Variants in TPD52L1 observed in about 807,000 individuals in gnomAD.
The protein encoded by TPD52L1 is TPD52 like 1, also known as tumor protein D53.
In TPD52L1, 18 loss-of-function variants were observed where a neutral mutation model predicts 28.7. That is an observed-to-expected ratio of 0.63 (90% confidence interval 0.43 to 0.93). The LOEUF (loss-of-function observed/expected upper bound fraction) is 0.93, where lower values mean the gene tolerates loss of function less well. Ranked by LOEUF, TPD52L1 falls within the 40% of genes least tolerant of loss-of-function variation. The pLI is 0.00. For synonymous variants in TPD52L1, 75 were observed against 88.8 expected (o/e 0.84, Z 0.88); for missense variants, 203 against 254.8 (o/e 0.80, Z 1.39).
intron 1 of TPD52L1, among the ~76,000 whole-genome samples, chr6:125,205,170 C>T (rs1645600851): frequency 6.6e-6 from 1 of 152,180 alleles, no homozygotes; most frequent in Non-Finnish European, 1.5e-5. Flanking sequence ...AGGCTAATCA[C>T]CATTGTGTAA....
chr6:125,172,537 T>TATATAATATATATATATATA (rs1791519506), intron 1 of TPD52L1, among the ~76,000 whole-genome samples: 2 of 88,882 alleles, frequency 2.3e-5, no homozygotes, highest in African/African-American at 1.0e-4. Context: ...TATATATATA[T>TATATAATATATATATATATA]ATATATATAT....
At chr6:125,234,831 AC>A (rs1273235719) in intron 3 of TPD52L1, among the ~76,000 whole-genome samples, 1 of 152,142 alleles carries the variant, frequency 6.6e-6, no homozygotes. Context: ...CATGGCTCAC[AC>A]CTATAATCCT....
At position 125,254,030 on chromosome 6, in the gene TPD52L1, A is replaced by G. The variant is rs1797438037; in HGVS notation, c.425+275A>G. The G allele has an allele frequency of 9.5e-5, 58 of 609,664 alleles. 1 individual carries two copies. Among genetic ancestry groups the G allele is most frequent in the South Asian group, 9.0e-4 (56 of 62,186 alleles). The allele number at this position is 609,664 out of a possible 1,614,324, so 37.8% of individuals were successfully genotyped here. A position where few individuals can be genotyped will look rare whatever the true frequency, so the allele number is the denominator to read the frequency against. ...TATTGCAAGAAATAAGACCTACTTC[A>G]TATGGTGTTTGTGAGGCATAAACAA... On this transcript the variant is annotated intron_variant, in intron 5 of 6. Transcript: ENST00000534000.
At chr6:125,172,524 A>ATATATAT (rs1554202592) in intron 1 of TPD52L1, among the ~76,000 whole-genome samples, 4 of 76,472 alleles carry the variant, frequency 5.2e-5, no homozygotes, top group Admixed American at 3.0e-4. Context: ...ATATATATAT[A>ATATATAT]TATATATATA....
At chr6:125,250,443 A>G (rs572608708) in intron 4 of TPD52L1, among the ~76,000 whole-genome samples, 2 of 152,360 alleles carry the variant, frequency 1.3e-5, no homozygotes, top group South Asian at 2.1e-4. Context: ...AAATGGAGAT[A>G]AGAATAACAA....
chr6:125,157,483 C>G (rs1171423345), intron 1 of TPD52L1, among the ~76,000 whole-genome samples: 1 of 152,098 alleles, frequency 6.6e-6, no homozygotes, highest in African/African-American at 2.4e-5. Context: ...CTGAGGAGGG[C>G]TGGAGAACAA....
intron 4 of TPD52L1, among the ~76,000 whole-genome samples, chr6:125,249,825 C>T (rs544341151): frequency 6.6e-6 from 1 of 151,708 alleles, no homozygotes; most frequent in Admixed American, 6.6e-5. Flanking sequence ...CTGGACTGTC[C>T]ACAATATTCA....
chr6:125,251,625 C>G (rs1357278820), intron 4 of TPD52L1, among the ~76,000 whole-genome samples: 1 of 152,150 alleles, frequency 6.6e-6, no homozygotes, highest in Non-Finnish European at 1.5e-5. Context: ...AAAATATTTC[C>G]TGTGAAGTTA....
In TPD52L1 at chr6:125,264,267, T is replaced by A. The variant is rs1331378570; in HGVS notation, c.*1305T>A. Reference sequence around the variant, plus strand: ...ATGCACACTGAATAGACATCCAACCTAAAAAAAATCACTATTTAAAAAGCC... The same window carrying A: ...ATGCACACTGAATAGACATCCAACCAAAAAAAAATCACTATTTAAAAAGCC... On this transcript the variant is annotated 3_prime_UTR_variant, in exon 7 of 7. Transcript: ENST00000534000. The A allele has an allele frequency of 1.3e-5, 2 of 151,990 alleles. No homozygotes were observed. The highest frequency in any genetic ancestry group is 2.9e-5 in the Non-Finnish European group (2 of 67,992). 9.4% of individuals were successfully genotyped at this position (151,990 alleles called of 1,614,324 possible).
chr6:125,199,483 C>A (rs113231744), intron 1 of TPD52L1, among the ~76,000 whole-genome samples: 1,945 of 152,238 alleles, frequency 0.013, 7 homozygotes, highest in African/African-American at 0.018. Context: ...GTCAGGAGTT[C>A]AAGACCAGCC....
Position 125,257,166 on chromosome 6 carries a change from T to A in TPD52L1, c.486+8T>A, listed in dbSNP as rs753660636. On this transcript the variant is annotated splice_region_variant and intron_variant, in intron 6 of 6. Transcript: ENST00000534000. ...ACTGTCACAAGCCTCAAGGTACAGATGAAGTGAATTCTGTGTGAGTGGGTC... is the reference window on the plus strand; with the variant it reads ...ACTGTCACAAGCCTCAAGGTACAGAAGAAGTGAATTCTGTGTGAGTGGGTC... 1.3e-4 allele frequency: 204 copies of A among 1,608,112 alleles called. No individual in the cohort carries two copies. The highest frequency in any genetic ancestry group is 1.6e-4 in the Non-Finnish European group (187 of 1,175,608).
At chr6:125,219,490 G>A (rs1033936927) in intron 1 of TPD52L1, among the ~76,000 whole-genome samples, 12 of 152,160 alleles carry the variant, frequency 7.9e-5, no homozygotes, top group East Asian at 1.9e-4. Flanking sequence ...TGTTGTGGAC[G>A]ACCCAGGTGG....
chr6:125,245,113 T>G (rs529198518), intron 3 of TPD52L1, among the ~76,000 whole-genome samples: 1 of 152,324 alleles, frequency 6.6e-6, no homozygotes, highest in East Asian at 1.9e-4. Context: ...CAGTACTTGC[T>G]CTGGTGGAGG....
intron 4 of TPD52L1, chr6:125,252,072 A>G: frequency 6.5e-7 from 1 of 1,535,516 alleles, no homozygotes; most frequent in Non-Finnish European, 8.7e-7. Flanking sequence ...GGCTTTCCCC[A>G]CTCCCTTGCT....
chr6:125,250,441 A>C (rs1797195773), intron 4 of TPD52L1, among the ~76,000 whole-genome samples: 1 of 152,246 alleles, frequency 6.6e-6, no homozygotes, highest in South Asian at 2.1e-4. Flanking sequence ...TAAAATGGAG[A>C]TAAGAATAAC....
chr6:125,169,874 G>C (rs1791167718), intron 1 of TPD52L1, among the ~76,000 whole-genome samples: 2 of 152,086 alleles, frequency 1.3e-5, no homozygotes, highest in African/African-American at 4.8e-5. Context: ...ACCTTACAGT[G>C]GCCTTTCCTT....
intron 1 of TPD52L1, among the ~76,000 whole-genome samples, chr6:125,158,083 C>G (rs1046332839): frequency 6.6e-6 from 1 of 152,176 alleles, no homozygotes; most frequent in Non-Finnish European, 1.5e-5. Context: ...CTCTGCCTCT[C>G]TCTTATAAGG....
At chr6:125,238,306 T>C (rs1276147547) in intron 3 of TPD52L1, among the ~76,000 whole-genome samples, 2 of 152,230 alleles carry the variant, frequency 1.3e-5, no homozygotes, top group Non-Finnish European at 1.5e-5. Context: ...ATTTTTAGTA[T>C]TTTTAACTGT....
In TPD52L1 at chr6:125,153,816, C is replaced by T. The variant is rs1212118384; in HGVS notation, c.-136C>T. 4 of 1,032,934 alleles carry T rather than the reference C, an allele frequency of 3.9e-6. No individual in the cohort carries two copies. Among genetic ancestry groups the T allele is most frequent in the Non-Finnish European group, 5.4e-6 (4 of 743,734 alleles). 64.0% of individuals were successfully genotyped at this position (1,032,934 alleles called of 1,614,324 possible). A position where few individuals can be genotyped will look rare whatever the true frequency, so the allele number is the denominator to read the frequency against. ...CTGCCTGCGTCCCCAACCCCCTCCG[C>T]GCAGCGCTCGCGACACGCGTGCCAG... On this transcript the variant is annotated 5_prime_UTR_variant, in exon 1 of 7. Transcript: ENST00000534000.
Sources: allele counts gnomAD v4.1 joint callset (sites outside exome capture counted in the v4.1 genomes callset), GRCh38; gene constraint gnomAD v4.1.1; transcripts MANE v1.5; gene names NCBI Gene and HGNC (gene_info 2026-07-23, HGNC 2026-07-21).